The following RBMS3 variants were observed in gnomAD, a reference collection of about 807,000 sequenced individuals.
RBMS3 encodes RNA binding motif single stranded interacting protein 3, also known as RNA-binding motif, single-stranded-interacting protein 3.
A neutral mutation model predicts 66.8 loss-of-function variants in RBMS3; 27 were observed. The observed-to-expected ratio is 0.40, with a 90% CI of 0.30 to 0.56. RBMS3 has a LOEUF of 0.56. Among genes scored for constraint, RBMS3 ranks in the 20% least tolerant of loss-of-function variants. The pLI is 0.40. For missense variants in RBMS3, 513 were observed against 549.5 expected (o/e 0.93, Z 0.66); for synonymous variants, 188 against 183.0 (o/e 1.03, Z -0.22).
intron 12 of RBMS3, among the ~76,000 whole-genome samples, chr3:29,974,750 ATTTATAGAGCAC>A (rs1288256441): frequency 1.3e-5 from 2 of 149,346 alleles, no homozygotes; most frequent in Non-Finnish European, 3.0e-5. Context: ...ACCCATCCAT[ATTTATAGAGCAC>A]TTTGTTTCTC....
intron 2 of RBMS3, among the ~76,000 whole-genome samples, chr3:29,476,452 G>A (rs2042949865): frequency 6.6e-6 from 1 of 151,996 alleles, no homozygotes; most frequent in Non-Finnish European, 1.5e-5. Context: ...TTTTCACATA[G>A]GTAGTTGAAC....
intron 3 of RBMS3, among the ~76,000 whole-genome samples, chr3:29,552,269 C>T (rs2046203785): frequency 6.6e-6 from 1 of 152,152 alleles, no homozygotes; most frequent in Admixed American, 6.6e-5. Flanking sequence ...CACATTCCTG[C>T]CTCTTTGGGA....
Position 29,377,434 on chromosome 3 carries a change from G to A in RBMS3, c.76-57309G>A, listed in dbSNP as rs143066545. Among the ~76,000 whole-genome samples, 527 of 152,218 alleles carry A rather than the reference G, an allele frequency of 3.5e-3. 4 individuals carry two copies. The highest frequency in any genetic ancestry group is 0.012 in the African/African-American group (499 of 41,526). ...GAAAACCACATCTAGGCCAAACTGCGATTAATTTTTGCCTTCCACCTCCTT... is the reference window on the plus strand; with the variant it reads ...GAAAACCACATCTAGGCCAAACTGCAATTAATTTTTGCCTTCCACCTCCTT... On this transcript the variant is annotated intron_variant, in intron 1 of 14. Transcript: ENST00000383767.
chr3:29,601,982 T>C (rs2048160348), intron 4 of RBMS3, among the ~76,000 whole-genome samples: 1 of 151,996 alleles, frequency 6.6e-6, no homozygotes, highest in Admixed American at 6.6e-5. Context: ...CATTTGTAGA[T>C]TAGAAATGAA....
At chr3:29,670,970 C>A (rs2050974606) in intron 4 of RBMS3, among the ~76,000 whole-genome samples, 1 of 152,198 alleles carries the variant, frequency 6.6e-6, no homozygotes, top group Admixed American at 6.5e-5. Flanking sequence ...GACCCTGACC[C>A]CCAAGTAGCC....
Position 29,991,212 on chromosome 3 carries a change from A to C in RBMS3, c.1307+3A>C. 6.2e-7 allele frequency: 1 copy of C among 1,614,134 alleles called. No individual in the cohort carries two copies. Among genetic ancestry groups the C allele is most frequent in the Non-Finnish European group, 8.5e-7 (1 of 1,180,014 alleles). ...GCATATTCTTACCAACAGTCTAAGT[A>C]AGTCTGGGCTGTGCTAAGCTCTTTT... On this transcript the variant is annotated splice_donor_region_variant and intron_variant, in intron 14 of 14. Coordinates refer to ENST00000383767, the MANE Select transcript of RBMS3 (RefSeq NM_001003793.3).
chr3:29,416,338 T>A (rs1454811395), intron 1 of RBMS3, among the ~76,000 whole-genome samples: 1 of 136,654 alleles, frequency 7.3e-6, no homozygotes, highest in East Asian at 2.0e-4. Context: ...TTATATCTAA[T>A]CCTGTATAAT....
intron 14 of RBMS3, among the ~76,000 whole-genome samples, chr3:29,998,402 T>A (rs968301564): frequency 2.6e-5 from 4 of 151,172 alleles, no homozygotes; most frequent in Admixed American, 6.6e-5. Context: ...CTTCACAGAA[T>A]TGGAAAAAAC....
rs771052820 is a variant in RBMS3, at chr3:29,434,942, G to T, written c.248+27G>T. 9.4e-6 allele frequency: 15 copies of T among 1,594,864 alleles called. No homozygotes were observed. In the Middle Eastern group the frequency reaches 5.1e-4, roughly 54 times the overall value. On this transcript the variant is annotated intron_variant, in intron 2 of 14. Transcript: ENST00000383767. ...TAAGTGTCCTTCTGCTGCCCGTGCT[G>T]TTTCTCACTCCCATACTTGCCTTGG...
At chr3:29,651,082 A>T (rs2050128913) in intron 4 of RBMS3, among the ~76,000 whole-genome samples, 1 of 152,202 alleles carries the variant, frequency 6.6e-6, no homozygotes, top group Non-Finnish European at 1.5e-5. Context: ...CCAATAGGCC[A>T]TCAAGCTGTC....
intron 1 of RBMS3, among the ~76,000 whole-genome samples, chr3:29,386,680 GA>G (rs1014124589): frequency 6.6e-6 from 1 of 151,978 alleles, no homozygotes; most frequent in African/African-American, 2.4e-5. Flanking sequence ...CATCTTAAGA[GA>G]AAAAAAGCTC....
chr3:29,760,419 C>A (rs1449805762), intron 5 of RBMS3, among the ~76,000 whole-genome samples: 1 of 151,974 alleles, frequency 6.6e-6, no homozygotes, highest in African/African-American at 2.4e-5. Context: ...GATGAGTACC[C>A]AGAGAGAGAT....
intron 4 of RBMS3, among the ~76,000 whole-genome samples, chr3:29,647,817 A>G (rs1369300656): frequency 1.3e-5 from 2 of 152,224 alleles, no homozygotes; most frequent in Non-Finnish European, 2.9e-5. Context: ...TAAAATATAG[A>G]TAAAAGTTAT....
chr3:29,342,195 A>T (rs546401845), intron 1 of RBMS3, among the ~76,000 whole-genome samples: 2 of 152,272 alleles, frequency 1.3e-5, no homozygotes, highest in Admixed American at 1.3e-4. Flanking sequence ...TTCAGGTGTG[A>T]ACAGAAAATG....
chr3:29,943,842 T>C (rs914303572), intron 11 of RBMS3, among the ~76,000 whole-genome samples: 3 of 151,772 alleles, frequency 2.0e-5, no homozygotes, highest in African/African-American at 7.3e-5. Flanking sequence ...TTGTTTCGTA[T>C]CATGCTCTGG....
chr3:29,949,401 A>G (rs1181765901), intron 12 of RBMS3, among the ~76,000 whole-genome samples: 1 of 151,850 alleles, frequency 6.6e-6, no homozygotes, highest in Non-Finnish European at 1.5e-5. Flanking sequence ...ATAAGTGAGC[A>G]TGGCTATATT....
chr3:29,847,786 G>A (rs1255948957), intron 6 of RBMS3, among the ~76,000 whole-genome samples: 1 of 152,088 alleles, frequency 6.6e-6, no homozygotes, highest in African/African-American at 2.4e-5. Flanking sequence ...CTCCCAAGTA[G>A]CTGGGACTAC....
Position 29,869,097 on chromosome 3 carries a change from A to G in RBMS3, c.744+133A>G. 4.5e-6 allele frequency: 3 copies of G among 668,942 alleles called. 1 individual carries two copies. The highest frequency in any genetic ancestry group is 4.1e-5 in the South Asian group (2 of 49,286). The allele number at this position is 668,942 out of a possible 1,614,324, so 41.4% of individuals were successfully genotyped here. On this transcript the variant is annotated intron_variant, in intron 7 of 14. Coordinates refer to ENST00000383767, the MANE Select transcript of RBMS3 (RefSeq NM_001003793.3). ...CCCAATGTCTTCAAAGGGGCAAATG[A>G]GCAGACCCATGTTAATGTGTTCTAG...
intron 6 of RBMS3, among the ~76,000 whole-genome samples, chr3:29,859,763 A>C (rs901819250): frequency 2.0e-5 from 3 of 152,234 alleles, no homozygotes; most frequent in Non-Finnish European, 2.9e-5. Context: ...TAACTCCAAA[A>C]TATAATAATT....
Sources: gnomAD v4.1 joint callset for allele counts (sites outside exome capture counted in the v4.1 genomes callset) on GRCh38, gnomAD v4.1.1 for gene constraint, MANE v1.5 for transcripts, NCBI Gene and HGNC (gene_info 2026-07-23, HGNC 2026-07-21) for gene names.